Variants in GRIP1 observed in about 807,000 individuals in gnomAD.
GRIP1 encodes glutamate receptor-interacting protein 1.
GRIP1 carries 45 observed loss-of-function variants against 129.9 expected under a neutral mutation model. The observed-to-expected ratio is 0.35, with a 90% CI of 0.27 to 0.44. The LOEUF is 0.44. GRIP1 is among the 20% of genes least tolerant of loss of function. The pLI is 1.00. For synonymous variants in GRIP1, 530 were observed against 520.8 expected, an observed-to-expected ratio of 1.02 and a Z score of -0.24; for missense variants, 1,196 against 1,396.8, an observed-to-expected ratio of 0.86 and a Z score of 2.29.
chr12:67,052,570 T>C (rs1164801709), intron 1 of GRIP1, among the ~76,000 whole-genome samples: 3 of 152,018 alleles, frequency 2.0e-5, no homozygotes, highest in African/African-American at 2.4e-5. Context: ...CCATCCTGGC[T>C]AATACAGTGA....
intron 7 of GRIP1, among the ~76,000 whole-genome samples, chr12:66,480,459 T>A (rs2059769294): frequency 6.6e-6 from 1 of 152,076 alleles, no homozygotes; most frequent in Non-Finnish European, 1.5e-5. Context: ...ATAGGAAGAA[T>A]CAATATTGTG....
chr12:66,639,628 G>A (rs1417858676), intron 1 of GRIP1, among the ~76,000 whole-genome samples: 1 of 152,148 alleles, frequency 6.6e-6, no homozygotes, highest in Non-Finnish European at 1.5e-5. Flanking sequence ...AGAAAAGAAT[G>A]ATAAATAATC....
At chr12:66,994,358 A>G (rs927466818) in intron 1 of GRIP1, among the ~76,000 whole-genome samples, 3 of 152,108 alleles carry the variant, frequency 2.0e-5, no homozygotes, top group African/African-American at 7.2e-5. Flanking sequence ...CAATTAAGGT[A>G]ACATATTATA....
chr12:66,537,353 C>T (rs1207463450), intron 4 of GRIP1, among the ~76,000 whole-genome samples: 2 of 152,072 alleles, frequency 1.3e-5, no homozygotes, highest in East Asian at 1.9e-4. Context: ...GCTATGCTGA[C>T]ACTCCTTGTG....
intron 1 of GRIP1, among the ~76,000 whole-genome samples, chr12:66,745,837 G>A (rs748173175): frequency 1.2e-4 from 18 of 152,166 alleles, no homozygotes; most frequent in Non-Finnish European, 2.2e-4. Context: ...GAGATGTTCA[G>A]TGATCAGAGT....
intron 1 of GRIP1, among the ~76,000 whole-genome samples, chr12:66,951,910 C>T (rs1286040938): frequency 6.6e-6 from 1 of 152,086 alleles, no homozygotes; most frequent in Non-Finnish European, 1.5e-5. Flanking sequence ...TTTAAATTGG[C>T]AATGGAGCCA....
Position 66,455,410 on chromosome 12 carries a change from T to C in GRIP1, c.1353A>G (p.Ser451=), listed in dbSNP as rs1354836203. The part of the protein sequence containing the change: ...RRLKKKDFKS[S]LSLASSTVGL... ...GCCATTGGCTGTCATTTCACTTACA[T>C]GAGCTTTTGAAGTCTTTCTTTTTCA... is the stretch of plus-strand genomic sequence containing the variant. Residue 451 remains serine (S), a splice_region_variant and synonymous_variant, in exon 11 of 25, where the codon TCA becomes TCG. Coordinates refer to ENST00000359742, the MANE Select transcript of GRIP1 (RefSeq NM_001366722.1). 2 of 1,614,130 alleles carry C rather than the reference T, an allele frequency of 1.2e-6. No individual in the cohort carries two copies. Among genetic ancestry groups the C allele is most frequent in the Non-Finnish European group, 1.7e-6 (2 of 1,179,950 alleles).
intron 5 of GRIP1, among the ~76,000 whole-genome samples, chr12:66,526,062 C>G (rs2061224811): frequency 6.6e-6 from 1 of 152,178 alleles, no homozygotes; most frequent in South Asian, 2.1e-4. Context: ...ACATTCCATA[C>G]TCATCGATAG....
At chr12:66,739,775 C>T (rs2036730205) in intron 1 of GRIP1, among the ~76,000 whole-genome samples, 1 of 151,890 alleles carries the variant, frequency 6.6e-6, no homozygotes. Flanking sequence ...GTCCTCCATC[C>T]AGTCCCCTCT....
intron 1 of GRIP1, among the ~76,000 whole-genome samples, chr12:66,634,114 T>C (rs909405155): frequency 6.6e-6 from 1 of 152,262 alleles, no homozygotes; most frequent in African/African-American, 2.4e-5. Context: ...TAATAAGTAG[T>C]GATTTATCAC....
At chr12:67,055,526 C>T (rs1386435731) in intron 1 of GRIP1, among the ~76,000 whole-genome samples, 3 of 152,276 alleles carry the variant, frequency 2.0e-5, no homozygotes, top group East Asian at 1.9e-4. Flanking sequence ...AGCAGCTCTC[C>T]GACATTTTGG....
At chr12:66,395,017 G>A (rs1372374150) in intron 16 of GRIP1, among the ~76,000 whole-genome samples, 4 of 152,166 alleles carry the variant, frequency 2.6e-5, no homozygotes. Context: ...TTTCAATGGA[G>A]TAACAGCTGT....
intron 1 of GRIP1, among the ~76,000 whole-genome samples, chr12:67,025,713 G>A (rs1187417720): frequency 2.8e-4 from 42 of 152,222 alleles, no homozygotes; most frequent in African/African-American, 8.4e-4. Context: ...GGTATCTTGG[G>A]TCATGACGGC....
chr12:66,388,391 GA>G (rs2056446639), intron 19 of GRIP1, among the ~76,000 whole-genome samples: 1 of 152,166 alleles, frequency 6.6e-6, no homozygotes, highest in Non-Finnish European at 1.5e-5. Context: ...ATAGCTATCT[GA>G]GTTGAGAGTC....
intron 1 of GRIP1, among the ~76,000 whole-genome samples, chr12:66,714,035 T>C (rs1297779770): frequency 2.0e-5 from 3 of 152,192 alleles, no homozygotes; most frequent in East Asian, 1.9e-4. Flanking sequence ...CACTGAAGGA[T>C]TGTTTTAACA....
At chr12:66,443,540 C>T (rs1458662496) in intron 13 of GRIP1, among the ~76,000 whole-genome samples, 1 of 151,694 alleles carries the variant, frequency 6.6e-6, no homozygotes, top group Non-Finnish European at 1.5e-5. Flanking sequence ...CTGCAACCTC[C>T]GCCTCCCGGG....
chr12:66,672,511 G>A (rs921189407), intron 1 of GRIP1, among the ~76,000 whole-genome samples: 2 of 151,674 alleles, frequency 1.3e-5, no homozygotes, highest in South Asian at 2.1e-4. Flanking sequence ...GGATATATGC[G>A]ATACTGAAAC....
At chr12:66,733,353 T>G (rs2036497775) in intron 1 of GRIP1, among the ~76,000 whole-genome samples, 1 of 152,308 alleles carries the variant, frequency 6.6e-6, no homozygotes, top group Non-Finnish European at 1.5e-5. Flanking sequence ...CAATAAACTA[T>G]ACATTTTCTA....
At chr12:67,059,309 G>A (rs2043491602) in intron 1 of GRIP1, among the ~76,000 whole-genome samples, 4 of 152,186 alleles carry the variant, frequency 2.6e-5, no homozygotes, top group Admixed American at 2.6e-4. Context: ...AGACACAATG[G>A]TGAGGTCCAG....
Sources: allele counts gnomAD v4.1 joint callset (sites outside exome capture counted in the v4.1 genomes callset), GRCh38; gene constraint gnomAD v4.1.1; transcripts MANE v1.5; gene names NCBI Gene and HGNC (gene_info 2026-07-23, HGNC 2026-07-21).